GLRB: variants seen among roughly 807,000 people sequenced by gnomAD.
GLRB encodes glycine receptor beta.
Under a neutral mutation model 54.2 loss-of-function variants are expected in GLRB, and 33 were observed. The ratio of observed to expected loss-of-function variants is 0.61; its 90% CI spans 0.46 to 0.81. The LOEUF (loss-of-function observed/expected upper bound fraction) is 0.81. GLRB is among the 40% of genes least tolerant of loss of function. The pLI is 0.00. For synonymous variants in GLRB, 209 were observed against 208.2 expected (o/e 1.00, Z -0.03); for missense variants, 572 against 584.6 (o/e 0.98, Z 0.22).
At chr4:157,153,984 G>A (rs1189028850) in intron 9 of GLRB, among the ~76,000 whole-genome samples, 1 of 152,176 alleles carries the variant, frequency 6.6e-6, no homozygotes, top group Non-Finnish European at 1.5e-5. Flanking sequence ...CTTGTATGGT[G>A]CTGCCTGTGG....
At chr4:157,093,624 AC>A (rs1360628441) in intron 2 of GLRB, among the ~76,000 whole-genome samples, 1 of 151,940 alleles carries the variant, frequency 6.6e-6, no homozygotes. Flanking sequence ...GCGTGGTGGC[AC>A]ATGCCTTTAG....
chr4:157,146,984 C>T (rs916875970), intron 8 of GLRB, among the ~76,000 whole-genome samples: 6 of 151,952 alleles, frequency 3.9e-5, no homozygotes, highest in Non-Finnish European at 8.8e-5. Flanking sequence ...TGACCTTAGC[C>T]GAGATGGGCA....
At chr4:157,110,723 A>G (rs1300189224) in intron 2 of GLRB, among the ~76,000 whole-genome samples, 1 of 152,100 alleles carries the variant, frequency 6.6e-6, no homozygotes, top group East Asian at 1.9e-4. Context: ...ATGCAGCAGA[A>G]AAACCTCTAC....
chr4:157,141,997 G>A (rs1305996000), intron 7 of GLRB, among the ~76,000 whole-genome samples: 1 of 152,046 alleles, frequency 6.6e-6, no homozygotes, highest in Non-Finnish European at 1.5e-5. Flanking sequence ...TATATAATTT[G>A]TTGAGAAACA....
At chr4:157,125,875 G>T (rs150845359) in intron 4 of GLRB, among the ~76,000 whole-genome samples, 31 of 152,122 alleles carry the variant, frequency 2.0e-4, no homozygotes, top group African/African-American at 7.5e-4. Flanking sequence ...TTGAATCCAG[G>T]AGGTGGAGGT....
intron 2 of GLRB, among the ~76,000 whole-genome samples, chr4:157,086,684 C>T (rs1734424918): frequency 6.6e-6 from 1 of 152,040 alleles, no homozygotes; most frequent in African/African-American, 2.4e-5. Context: ...AAGAGAGAAA[C>T]AGAGGAAGAT....
intron 9 of GLRB, among the ~76,000 whole-genome samples, chr4:157,165,152 T>C (rs1737661292): frequency 6.6e-6 from 1 of 152,072 alleles, no homozygotes; most frequent in Non-Finnish European, 1.5e-5. Flanking sequence ...AATATTTGTT[T>C]CCTGAGACAG....
At chr4:157,096,745 C>T (rs1439927981) in intron 2 of GLRB, among the ~76,000 whole-genome samples, 1 of 152,190 alleles carries the variant, frequency 6.6e-6, no homozygotes, top group Non-Finnish European at 1.5e-5. Context: ...CTCTGTATTA[C>T]AACTCATTTT....
intron 2 of GLRB, among the ~76,000 whole-genome samples, chr4:157,099,493 C>T (rs1255652386): frequency 6.6e-6 from 1 of 151,924 alleles, no homozygotes; most frequent in African/African-American, 2.4e-5. Flanking sequence ...TGTGTCACCA[C>T]ACCTGGCTAA....
intron 8 of GLRB, among the ~76,000 whole-genome samples, chr4:157,148,597 T>A (rs1377546958): frequency 1.3e-5 from 2 of 152,222 alleles, no homozygotes; most frequent in African/African-American, 4.8e-5. Context: ...TCATAACTTA[T>A]CTTTGATTTC....
chr4:157,166,521 G>A (rs17035815), intron 9 of GLRB, among the ~76,000 whole-genome samples: 21,667 of 151,954 alleles, frequency 0.14, 1,730 homozygotes, highest in East Asian at 0.29. Flanking sequence ...AATGAACCAT[G>A]ACCTATTTAA....
chr4:157,115,905 A>T (rs1036295883), intron 2 of GLRB, among the ~76,000 whole-genome samples: 2 of 151,846 alleles, frequency 1.3e-5, no homozygotes, highest in African/African-American at 4.8e-5. Context: ...GGCCTCTGAC[A>T]ATTGTCATTG....
intron 2 of GLRB, among the ~76,000 whole-genome samples, chr4:157,116,397 TAAAAC>T (rs1422707414): frequency 6.6e-6 from 1 of 151,722 alleles, no homozygotes; most frequent in African/African-American, 2.4e-5. Flanking sequence ...TTTCTTAAAA[TAAAAC>T]AAAATAGCAT....
chr4:157,110,016 T>A (rs1735360013), intron 2 of GLRB, among the ~76,000 whole-genome samples: 1 of 151,968 alleles, frequency 6.6e-6, no homozygotes, highest in African/African-American at 2.4e-5. Context: ...CCATGATTGA[T>A]GAAATCTTCA....
At chr4:157,152,186 CAT>C (rs1737045273) in intron 8 of GLRB, among the ~76,000 whole-genome samples, 1 of 152,138 alleles carries the variant, frequency 6.6e-6, no homozygotes, top group African/African-American at 2.4e-5. Context: ...AATCTGGAAT[CAT>C]ATGTTCTCCC....
At position 157,143,832 on chromosome 4, in the gene GLRB, C is replaced by A. The variant is rs2126583488; in HGVS notation, c.777C>A (p.Ile259=). Residue 259 remains isoleucine (I), a synonymous_variant, in exon 8 of 10, where the codon ATC becomes ATA. Coordinates refer to ENST00000264428, the MANE Select transcript of GLRB (RefSeq NM_000824.5). The part of the protein sequence containing the change: ...GTGYYTCVEV[I]FTLRRQVGFY... Reference sequence around the variant, plus strand: ...GCTACTACACATGCGTGGAAGTCATCTTCACCCTGAGGAGGCAGGTCGGCT... The same window carrying A: ...GCTACTACACATGCGTGGAAGTCATATTCACCCTGAGGAGGCAGGTCGGCT... 3 of 1,613,668 alleles carry A rather than the reference C, an allele frequency of 1.9e-6. No homozygotes were observed. Among genetic ancestry groups the A allele is most frequent in the Non-Finnish European group, 2.5e-6 (3 of 1,179,950 alleles).
chr4:157,120,687 C>A lies in GLRB; in HGVS notation c.229+25C>A. On this transcript the variant is annotated intron_variant, in intron 3 of 9. Coordinates refer to ENST00000264428, the MANE Select transcript of GLRB (RefSeq NM_000824.5). ...GGTTTGTCTCCCCCATATAAATGTTCATTTTTATTGTTTAAAAATTAATTT... is the reference window on the plus strand; with the variant it reads ...GGTTTGTCTCCCCCATATAAATGTTAATTTTTATTGTTTAAAAATTAATTT... The A allele has an allele frequency of 2.8e-6, 3 of 1,060,474 alleles. No individual in the cohort carries two copies. In the South Asian group the frequency reaches 3.8e-5, roughly 13 times the overall value. 65.7% of individuals were successfully genotyped at this position (1,060,474 alleles called of 1,614,324 possible). A position where few individuals can be genotyped will look rare whatever the true frequency, so the allele number is the denominator to read the frequency against.
Position 157,103,199 on chromosome 4 carries a change from C to G in GLRB, c.123-17357C>G, listed in dbSNP as rs1735103091. Among the ~76,000 whole-genome samples the G allele has an allele frequency of 2.0e-5, 3 of 150,986 alleles. No individual in the cohort carries two copies. The South Asian group carries it at 6.3e-4, about 32-fold the overall frequency. ...GAAAGTGAAGTAGGGACAATAGGGACACAAAGGCACTCAAATGCTCAGCCT... is the reference window on the plus strand; with the variant it reads ...GAAAGTGAAGTAGGGACAATAGGGAGACAAAGGCACTCAAATGCTCAGCCT... On this transcript the variant is annotated intron_variant, in intron 2 of 9. Coordinates refer to ENST00000264428, the MANE Select transcript of GLRB (RefSeq NM_000824.5).
intron 2 of GLRB, among the ~76,000 whole-genome samples, chr4:157,081,761 A>G (rs963235590): frequency 1.3e-5 from 2 of 152,168 alleles, no homozygotes; most frequent in Non-Finnish European, 2.9e-5. Flanking sequence ...ATTAATTTAT[A>G]TGCCACATTG....
Sources: gnomAD v4.1 joint callset for allele counts (sites outside exome capture counted in the v4.1 genomes callset) on GRCh38, gnomAD v4.1.1 for gene constraint, MANE v1.5 for transcripts, NCBI Gene and HGNC (gene_info 2026-07-23, HGNC 2026-07-21) for gene names.